The following SIAH2 variants were observed in gnomAD, a reference collection of about 807,000 sequenced individuals.
SIAH2 encodes the protein E3 ubiquitin-protein ligase SIAH2.
Under a neutral mutation model 20.4 loss-of-function variants are expected in SIAH2, and 4 were observed. The ratio of observed to expected loss-of-function variants is 0.20; its 90% CI spans 0.10 to 0.45. The LOEUF is 0.45. Among genes scored for constraint, SIAH2 ranks in the 20% least tolerant of loss-of-function variants. The pLI, the probability that SIAH2 is intolerant of heterozygous loss-of-function variation, is 0.99. For missense variants in SIAH2, 259 were observed against 440.3 expected, an observed-to-expected ratio of 0.59 and a Z score of 3.69; for synonymous variants, 171 against 192.5, an observed-to-expected ratio of 0.89 and a Z score of 0.93.
In SIAH2 at chr3:150,762,592, A is replaced by G. The variant is rs1448021062; in HGVS notation, c.258T>C (p.Tyr86=). ...GGCACTGCAGAATAGGAGGCAGGAC[A>G]TAGTCAAAGCAGACCGGACACTCGA... ...SLFECPVCFD[Y]VLPPILQCQA... is the part of the protein sequence containing the mutation. Residue 86 remains tyrosine, a synonymous_variant, in exon 1 of 2, where the codon TAT becomes TAC. Transcript: ENST00000312960. The surrounding 1 kb of genome is among the most constrained non-coding windows in gnomAD (Gnocchi z 6.6). 8 of 1,613,120 alleles carry G rather than the reference A, an allele frequency of 5.0e-6. No individual in the cohort carries two copies. Among genetic ancestry groups the G allele is most frequent in the Non-Finnish European group, 6.8e-6 (8 of 1,179,848 alleles).
intron 1 of SIAH2, among the ~76,000 whole-genome samples, chr3:150,754,115 G>A (rs950479748): frequency 6.6e-6 from 1 of 152,228 alleles, no homozygotes; most frequent in African/African-American, 2.4e-5. Context: ...AGCAGATTAT[G>A]AAACAGTGTA....
intron 1 of SIAH2, among the ~76,000 whole-genome samples, chr3:150,744,301 C>T (rs1714164314): frequency 1.3e-5 from 2 of 152,154 alleles, no homozygotes; most frequent in African/African-American, 4.8e-5. Context: ...CATCCTCCAA[C>T]CCCCACTTCC....
At chr3:150,759,134 T>C (rs1011153972) in intron 1 of SIAH2, among the ~76,000 whole-genome samples, 1 of 151,930 alleles carries the variant, frequency 6.6e-6, no homozygotes, top group African/African-American at 2.4e-5. Context: ...TGCTCACCTC[T>C]GCCTCCCAAA....
intron 1 of SIAH2, among the ~76,000 whole-genome samples, chr3:150,759,164 G>T (rs1335351960): frequency 6.6e-6 from 1 of 152,160 alleles, no homozygotes; most frequent in East Asian, 1.9e-4. Flanking sequence ...TTACAGGCAT[G>T]AGTCACCACA....
chr3:150,745,764 G>A (rs1292266162), intron 1 of SIAH2, among the ~76,000 whole-genome samples: 1 of 152,068 alleles, frequency 6.6e-6, no homozygotes, highest in Non-Finnish European at 1.5e-5. Context: ...CAAAGTGCTG[G>A]GATTGCAGGC....
intron 1 of SIAH2, among the ~76,000 whole-genome samples, chr3:150,747,578 G>C (rs1032744748): frequency 1.3e-5 from 2 of 152,078 alleles, no homozygotes; most frequent in East Asian, 3.8e-4. Context: ...TTCCCCAGGG[G>C]GAATTAGTTT....
At chr3:150,753,805 CAA>C (rs56936536) in intron 1 of SIAH2, among the ~76,000 whole-genome samples, 1 of 147,092 alleles carries the variant, frequency 6.8e-6, no homozygotes, top group African/African-American at 2.5e-5. Flanking sequence ...AAACAAAAAA[CAA>C]AAAAAAAACA....
chr3:150,759,552 C>T (rs1175548047), intron 1 of SIAH2, among the ~76,000 whole-genome samples: 2 of 152,140 alleles, frequency 1.3e-5, no homozygotes, highest in African/African-American at 4.8e-5. Flanking sequence ...CACTCAGATT[C>T]GAAATCCCTA....
chr3:150,759,693 G>GAA (rs762193625), intron 1 of SIAH2, among the ~76,000 whole-genome samples: 1 of 140,648 alleles, frequency 7.1e-6, no homozygotes, highest in South Asian at 2.3e-4. Context: ...TTCCTCATCT[G>GAA]AAAAAAAAAA....
chr3:150,757,405 G>C (rs1387239736), intron 1 of SIAH2, among the ~76,000 whole-genome samples: 1 of 152,090 alleles, frequency 6.6e-6, no homozygotes, highest in Non-Finnish European at 1.5e-5. Context: ...GTTCCTGATG[G>C]CCAGAAAATA....
chr3:150,754,906 A>G (rs1473165112), intron 1 of SIAH2, among the ~76,000 whole-genome samples: 1 of 152,214 alleles, frequency 6.6e-6, no homozygotes. Context: ...CTATATGATT[A>G]AGAGTAGGGA....
intron 1 of SIAH2, among the ~76,000 whole-genome samples, chr3:150,750,003 G>T (rs1051285063): frequency 2.6e-5 from 4 of 152,208 alleles, no homozygotes; most frequent in African/African-American, 9.7e-5. Flanking sequence ...GAACCTGGAA[G>T]TGGGAAGAAG....
intron 1 of SIAH2, among the ~76,000 whole-genome samples, chr3:150,750,134 T>C (rs1351979330): frequency 6.6e-6 from 1 of 152,232 alleles, no homozygotes; most frequent in Non-Finnish European, 1.5e-5. Context: ...TAGATCCACA[T>C]CATGGTAAAA....
chr3:150,759,491 G>A (rs1438578780), intron 1 of SIAH2, among the ~76,000 whole-genome samples: 1 of 152,060 alleles, frequency 6.6e-6, no homozygotes, highest in Non-Finnish European at 1.5e-5. Flanking sequence ...CCAACCAGAC[G>A]GTTTTGTTAC....
At position 150,762,404 on chromosome 3, in the gene SIAH2, G is replaced by C. The variant is rs751003792; in HGVS notation, c.417+29C>G. On this transcript the variant is annotated intron_variant, in intron 1 of 1. Coordinates refer to ENST00000312960, the MANE Select transcript of SIAH2 (RefSeq NM_005067.7). This position sits in a 1 kb window ranked among gnomAD's most constrained non-coding sequence, Gnocchi z 6.6. ...TACCGGAGTCCCTGAGGTCACCGGC[G>C]GAGGTACGTGGGCTGTCCCTGGGCT... 3.1e-6 allele frequency: 5 copies of C among 1,590,992 alleles called. No individual in the cohort carries two copies. The East Asian group carries it at 9.3e-5, about 30-fold the overall frequency.
chr3:150,742,031 T>C lies in SIAH2; in HGVS notation c.*110A>G. On this transcript the variant is annotated 3_prime_UTR_variant, in exon 2 of 2. Coordinates refer to ENST00000312960, the MANE Select transcript of SIAH2 (RefSeq NM_005067.7). This position sits in a 1 kb window ranked among gnomAD's most constrained non-coding sequence, Gnocchi z 4.8. ...CACTGCTGTTCAAACAAAACACGGGTAATTGTGGGTCCTGACTTGTGAAGA... is the reference window on the plus strand; with the variant it reads ...CACTGCTGTTCAAACAAAACACGGGCAATTGTGGGTCCTGACTTGTGAAGA... 2 of 1,058,668 alleles carry C rather than the reference T, an allele frequency of 1.9e-6. No homozygotes were observed. The highest frequency in any genetic ancestry group is 2.7e-6 in the Non-Finnish European group (2 of 735,836). 65.6% of individuals were successfully genotyped at this position (1,058,668 alleles called of 1,614,324 possible). A position where few individuals can be genotyped will look rare whatever the true frequency, so the allele number is the denominator to read the frequency against.
rs770465975 is a variant in SIAH2 at position 150,753,913 on chromosome 3, A to G, written c.417+8520T>C. On this transcript the variant is annotated intron_variant, in intron 1 of 1. Coordinates refer to ENST00000312960, the MANE Select transcript of SIAH2 (RefSeq NM_005067.7). ...TATTTTTGTGTACAAAGATTTGGTTATAGCAGTGCTTTAAAAAAAAAATCT... is the reference window on the plus strand; with the variant it reads ...TATTTTTGTGTACAAAGATTTGGTTGTAGCAGTGCTTTAAAAAAAAAATCT... Among the ~76,000 whole-genome samples, 8 of 146,334 alleles carry G rather than the reference A, an allele frequency of 5.5e-5. 1 individual carries two copies. The South Asian group carries it at 1.7e-3, about 31-fold the overall frequency.
At chr3:150,747,415 G>A (rs62282675) in intron 1 of SIAH2, among the ~76,000 whole-genome samples, 7,562 of 152,304 alleles carry the variant, frequency 0.05, 241 homozygotes, top group Non-Finnish European at 0.081. Context: ...CGTTTAAGCT[G>A]GGGAGGGCTT....
intron 1 of SIAH2, among the ~76,000 whole-genome samples, chr3:150,757,417 T>C (rs1714506733): frequency 6.6e-6 from 1 of 152,040 alleles, no homozygotes; most frequent in South Asian, 2.1e-4. Flanking sequence ...CAGAAAATAA[T>C]ATTCTCTTGG....
Sources: gnomAD v4.1 joint callset for allele counts (sites outside exome capture counted in the v4.1 genomes callset) on GRCh38, gnomAD v4.1.1 for gene constraint, Gnocchi (gnomAD v3.1) non-coding constraint, MANE v1.5 for transcripts, NCBI Gene and HGNC (gene_info 2026-07-23, HGNC 2026-07-21) for gene names.